The following RIPOR3 variants were observed in gnomAD, a reference collection of about 807,000 sequenced individuals.
RIPOR3 encodes family with sequence similarity 65 member C.
Under a neutral mutation model 114.3 loss-of-function variants are expected in RIPOR3, and 95 were observed. That is an observed-to-expected ratio of 0.83 (90% confidence interval 0.70 to 0.99). The LOEUF (loss-of-function observed/expected upper bound fraction) is 0.99, where lower values mean the gene tolerates loss of function less well. Among genes scored for constraint, RIPOR3 ranks in the 50% least tolerant of loss-of-function variants. The probability of loss-of-function intolerance (pLI) is 0.00; values close to 1 mark genes in which losing one functional copy is unlikely to be tolerated. For missense variants in RIPOR3, 1,252 were observed against 1,266.9 expected (o/e 0.99, Z 0.18); for synonymous variants, 575 against 543.8 (o/e 1.06, Z -0.80).
At chr20:50,681,729 C>T (rs76007769) in intron 1 of RIPOR3, among the ~76,000 whole-genome samples, 256 of 152,310 alleles carry the variant, frequency 1.7e-3, no homozygotes, top group African/African-American at 5.6e-3. Context: ...CGTTGAGAAC[C>T]AGACCAAATA....
chr20:50,658,538 T>C (rs576100793), intron 1 of RIPOR3, among the ~76,000 whole-genome samples: 8 of 152,138 alleles, frequency 5.3e-5, no homozygotes, highest in African/African-American at 1.7e-4. Flanking sequence ...TGAGATCCTA[T>C]CTCTACAAAA....
chr20:50,657,171 G>C (rs2085839676), intron 1 of RIPOR3, among the ~76,000 whole-genome samples: 1 of 152,212 alleles, frequency 6.6e-6, no homozygotes, highest in Admixed American at 6.5e-5. Context: ...AGGATCACTT[G>C]AGCCCAGGAG....
chr20:50,620,030 G>C lies in RIPOR3; in HGVS notation c.225C>G (p.Pro75=). The C allele has an allele frequency of 6.2e-7, 1 of 1,613,580 alleles. No homozygotes were observed. Among genetic ancestry groups the C allele is most frequent in the Non-Finnish European group, 8.5e-7 (1 of 1,179,544 alleles). The part of the protein sequence containing the change: ...RKGSVCADPK[P]QQVKKIFEAL... ...CTTCGAAGATCTTCTTCACCTGCTG[G>C]GGCTTCGGGTCTGCACAGACCGACC... The change falls in exon 3 of 22, where the codon CCC becomes CCG. Residue 75 remains proline (P), a synonymous_variant. Coordinates refer to ENST00000327979, the MANE Select transcript of RIPOR3 (RefSeq NM_001290268.2).
chr20:50,593,665 G>T (rs1280101651), intron 17 of RIPOR3, among the ~76,000 whole-genome samples: 1 of 152,004 alleles, frequency 6.6e-6, no homozygotes, highest in East Asian at 1.9e-4. Context: ...CTAGAGTCAG[G>T]ACTGTGACTC....
chr20:50,594,458 G>C (rs1040679762), intron 17 of RIPOR3, 95 bp downstream of exon 17: 1 of 1,410,024 alleles, frequency 7.1e-7, no homozygotes, highest in Non-Finnish European at 9.8e-7. Context: ...GTGAAGACAG[G>C]GCTGAAATGA....
chr20:50,599,544 C>T (rs1383287644), intron 13 of RIPOR3, among the ~76,000 whole-genome samples: 1 of 152,148 alleles, frequency 6.6e-6, no homozygotes, highest in Non-Finnish European at 1.5e-5. Flanking sequence ...GAACACCAGC[C>T]GGCACTGAAG....
chr20:50,639,509 G>T (rs1315949071), intron 1 of RIPOR3, among the ~76,000 whole-genome samples: 1 of 152,122 alleles, frequency 6.6e-6, no homozygotes, highest in African/African-American at 2.4e-5. Context: ...GGAGGCTGAG[G>T]CTCGAGATGG....
At chr20:50,682,946 C>T (rs2086905619) in intron 1 of RIPOR3, among the ~76,000 whole-genome samples, 1 of 152,014 alleles carries the variant, frequency 6.6e-6, no homozygotes, top group African/African-American at 2.4e-5. Flanking sequence ...AGGCTGGTCT[C>T]GAACTCCTGA....
chr20:50,602,413 CGTG>C lies in RIPOR3; in HGVS notation c.1315_1317del (p.His439del). The C allele has an allele frequency of 1.9e-6, 3 of 1,605,480 alleles. No homozygotes were observed. Among genetic ancestry groups the C allele is most frequent in the Non-Finnish European group, 2.6e-6 (3 of 1,175,390 alleles). ...TCCCGAGCCTCCTCTTCAATGGAGG[CGTG>C]GGGACCGAAGGTCAAGGGCAGGAAG... On this transcript the variant is annotated inframe_deletion, in exon 13 of 22. Transcript: ENST00000327979. This position sits in a 1 kb window ranked among gnomAD's most constrained non-coding sequence, Gnocchi z 4.3.
chr20:50,593,196 G>A lies in RIPOR3; in HGVS notation c.2213C>T (p.Ala738Val), dbSNP rs1397841151. Reference protein sequence around the residue: ...RGKYPGQLEIACRRLLEQVVS... With the variant: ...RGKYPGQLEIVCRRLLEQVVS... Reference sequence around the variant, plus strand: ...CACCTGCTCCAGGAGCCTGCGGCACGCTGGCCAAAGGGGAGAGTACATCAG... The same window carrying A: ...CACCTGCTCCAGGAGCCTGCGGCACACTGGCCAAAGGGGAGAGTACATCAG... The change falls in exon 18 of 22, where the codon GCG becomes GTG. Residue 738 changes from alanine (A) to valine (V), a missense_variant and splice_region_variant. By Grantham distance (64) the Ala-to-Val change is moderately conservative. Transcript: ENST00000327979. 10 of 1,611,212 alleles carry A rather than the reference G, an allele frequency of 6.2e-6. No individual in the cohort carries two copies. Among genetic ancestry groups the A allele is most frequent in the East Asian group, 4.5e-5 (2 of 44,888 alleles).
chr20:50,656,097 T>G (rs752479987), intron 1 of RIPOR3, among the ~76,000 whole-genome samples: 47 of 151,902 alleles, frequency 3.1e-4, no homozygotes, highest in Non-Finnish European at 5.9e-4. Context: ...AACCTCCACC[T>G]CCTGGGTTCA....
intron 2 of RIPOR3, among the ~76,000 whole-genome samples, chr20:50,622,969 A>G (rs1335048657): frequency 6.6e-6 from 1 of 152,186 alleles, no homozygotes; most frequent in East Asian, 1.9e-4. Flanking sequence ...CAGCTTAGAA[A>G]ACATTAGGTG....
intron 1 of RIPOR3, among the ~76,000 whole-genome samples, chr20:50,654,426 T>G (rs969436825): frequency 1.6e-5 from 2 of 125,320 alleles, no homozygotes; most frequent in African/African-American, 6.3e-5. Context: ...GGCAGAGTTT[T>G]TTTTTTTTTT....
Position 50,620,054 on chromosome 20 carries a change from C to CGGCA in RIPOR3, c.200_201insTGCC (p.Ser68AlafsTer33). On this transcript the variant is annotated frameshift_variant, in exon 3 of 22. Coordinates refer to ENST00000327979, the MANE Select transcript of RIPOR3 (RefSeq NM_001290268.2). LOFTEE classifies it high-confidence loss of function. ...GGGGCTTCGGGTCTGCACAGACCGA[C>CGGCA]CCCTTCCGCAGCGTGCCGTACATCT... 24 of 1,614,208 alleles carry CGGCA rather than the reference C, an allele frequency of 1.5e-5. No homozygotes were observed. The highest frequency in any genetic ancestry group is 1.9e-5 in the Non-Finnish European group (23 of 1,180,046).
intron 13 of RIPOR3, among the ~76,000 whole-genome samples, chr20:50,598,532 G>A (rs2083382507): frequency 6.6e-6 from 1 of 152,096 alleles, no homozygotes; most frequent in Admixed American, 6.5e-5. Flanking sequence ...AGGACGAAGG[G>A]AATAACAAGG....
intron 3 of RIPOR3, 116 bp from the exon 4 acceptor site, chr20:50,616,196 A>C: frequency 2.0e-6 from 2 of 980,238 alleles, no homozygotes; most frequent in Non-Finnish European, 3.1e-6. Context: ...AGCGGGGCTC[A>C]GAGGCAGGTA....
At chr20:50,596,479 G>A (rs1240868816) in intron 14 of RIPOR3, among the ~76,000 whole-genome samples, 1 of 152,212 alleles carries the variant, frequency 6.6e-6, no homozygotes, top group Non-Finnish European at 1.5e-5. Flanking sequence ...GGCAGGGCGG[G>A]CAGTCGTCTT....
chr20:50,679,892 G>A (rs541191215), intron 1 of RIPOR3, among the ~76,000 whole-genome samples: 72 of 152,280 alleles, frequency 4.7e-4, no homozygotes, highest in African/African-American at 1.7e-3. Flanking sequence ...AGGAGGTTGA[G>A]GCTGCAGTGA....
chr20:50,645,805 G>A (rs575959591), intron 1 of RIPOR3: 1 of 152,344 alleles, frequency 6.6e-6, no homozygotes, highest in East Asian at 1.9e-4. Flanking sequence ...GTGGAGCCGG[G>A]TCTGTTTGCT....
Sources: allele counts gnomAD v4.1 joint callset (sites outside exome capture counted in the v4.1 genomes callset), GRCh38; gene constraint gnomAD v4.1.1; non-coding constraint Gnocchi (gnomAD v3.1); transcripts MANE v1.5; gene names NCBI Gene and HGNC (gene_info 2026-07-23, HGNC 2026-07-21).